The following CCDC178 variants were observed in gnomAD, a reference collection of about 807,000 sequenced individuals.
CCDC178 encodes the protein coiled-coil domain containing 178.
A neutral mutation model predicts 117.4 loss-of-function variants in CCDC178; 126 were observed. That is an observed-to-expected ratio of 1.07 (90% CI 0.93 to 1.24). CCDC178 has a LOEUF of 1.24. Ranked by LOEUF, CCDC178 falls within the 50% of genes most tolerant of loss-of-function variation. The probability of loss-of-function intolerance (pLI) is 0.00; values close to 1 mark genes in which losing one functional copy is unlikely to be tolerated. For missense variants in CCDC178, 1,030 were observed against 986.9 expected (o/e 1.04, Z -0.59); for synonymous variants, 283 against 313.4 (o/e 0.90, Z 1.02).
At chr18:33,220,149 T>A (rs2059213519) in intron 18 of CCDC178, among the ~76,000 whole-genome samples, 1 of 152,036 alleles carries the variant, frequency 6.6e-6, no homozygotes, top group African/African-American at 2.4e-5. Flanking sequence ...TGTAGATTGC[T>A]CCCATCTGCA....
intron 20 of CCDC178, among the ~76,000 whole-genome samples, chr18:33,202,087 A>G (rs1019823999): frequency 6.6e-6 from 1 of 152,080 alleles, no homozygotes. Flanking sequence ...TACTGGGTAC[A>G]TATTTCCACT....
At chr18:33,419,632 T>A (rs879924530) in intron 2 of CCDC178, among the ~76,000 whole-genome samples, 1 of 152,138 alleles carries the variant, frequency 6.6e-6, no homozygotes, top group Non-Finnish European at 1.5e-5. Flanking sequence ...GCAAACGACA[T>A]GTAGACTTTT....
At chr18:33,329,948 G>A (rs1009584285) in intron 10 of CCDC178, among the ~76,000 whole-genome samples, 2 of 142,692 alleles carry the variant, frequency 1.4e-5, no homozygotes, top group Non-Finnish European at 3.0e-5. Flanking sequence ...CTTGGTCCTG[G>A]GCTTTTTTTT....
intron 22 of CCDC178, among the ~76,000 whole-genome samples, chr18:32,953,449 C>T (rs1051380261): frequency 2.6e-5 from 4 of 152,176 alleles, no homozygotes; most frequent in African/African-American, 9.7e-5. Flanking sequence ...TCTGAGCCTT[C>T]CAAACTGTTC....
chr18:33,038,973 G>A (rs1285221001), intron 21 of CCDC178, among the ~76,000 whole-genome samples: 1 of 151,904 alleles, frequency 6.6e-6, no homozygotes, highest in East Asian at 1.9e-4. Flanking sequence ...CACAACATAT[G>A]TATATGGCCA....
intron 14 of CCDC178, among the ~76,000 whole-genome samples, chr18:33,254,564 A>G (rs2059656757): frequency 6.6e-6 from 1 of 152,018 alleles, no homozygotes. Flanking sequence ...CAATAATAAG[A>G]CAATAATGGA....
chr18:33,301,811 C>CCT (rs1230683108), intron 11 of CCDC178, among the ~76,000 whole-genome samples: 2 of 152,262 alleles, frequency 1.3e-5, no homozygotes, highest in African/African-American at 4.8e-5. Flanking sequence ...ATTTTATAGG[C>CCT]TCAAAGTTGG....
rs759463288 is a variant in CCDC178, at chr18:33,323,647, T to C, written c.880-14A>G. ...TAGGTCCATTACCTAGAAATGAAAA[T>C]ATTTTTGCTTATATTTGCACTTAAT... On this transcript the variant is annotated splice_polypyrimidine_tract_variant and intron_variant, in intron 10 of 22. Coordinates refer to ENST00000383096, the MANE Select transcript of CCDC178 (RefSeq NM_001105528.4). The C allele has an allele frequency of 1.4e-6, 2 of 1,432,744 alleles. No homozygotes were observed. Among genetic ancestry groups the C allele is most frequent in the East Asian group, 2.6e-5 (1 of 39,212 alleles). 88.8% of individuals were successfully genotyped at this position (1,432,744 alleles called of 1,614,324 possible). A position where few individuals can be genotyped will look rare whatever the true frequency, so the allele number is the denominator to read the frequency against.
chr18:33,217,022 G>A (rs1322394130), intron 18 of CCDC178, among the ~76,000 whole-genome samples: 2 of 152,072 alleles, frequency 1.3e-5, no homozygotes, highest in Admixed American at 1.3e-4. Flanking sequence ...CCTCTTCAAA[G>A]GAATCTGGTT....
At chr18:33,178,690 T>C (rs182811663) in intron 20 of CCDC178, among the ~76,000 whole-genome samples, 13 of 152,252 alleles carry the variant, frequency 8.5e-5, no homozygotes, top group African/African-American at 2.6e-4. Flanking sequence ...TGTTTTCAAT[T>C]GCACTGTTAT....
intron 22 of CCDC178, among the ~76,000 whole-genome samples, chr18:32,966,724 A>C (rs1251878641): frequency 6.6e-6 from 1 of 151,816 alleles, no homozygotes; most frequent in Non-Finnish European, 1.5e-5. Context: ...GATTGTATTG[A>C]ATGGATTTTT....
chr18:33,234,924 G>C (rs1026000411), intron 15 of CCDC178, among the ~76,000 whole-genome samples: 2 of 152,042 alleles, frequency 1.3e-5, no homozygotes, highest in African/African-American at 4.8e-5. Context: ...AGTCTTATCT[G>C]GAATTCTTAT....
intron 21 of CCDC178, among the ~76,000 whole-genome samples, chr18:33,044,542 T>C (rs1388849908): frequency 6.6e-6 from 1 of 151,306 alleles, no homozygotes; most frequent in Admixed American, 6.6e-5. Context: ...ATGTTGACGA[T>C]GTGGAGAAAA....
intron 4 of CCDC178, among the ~76,000 whole-genome samples, chr18:33,394,939 ATG>A (rs1302202346): frequency 1.3e-5 from 1 of 76,176 alleles, no homozygotes; most frequent in Non-Finnish European, 3.0e-5. Context: ...CTGTATATGT[ATG>A]TGTATATATA....
chr18:33,143,999 T>C (rs1005077514), intron 20 of CCDC178, among the ~76,000 whole-genome samples: 1 of 152,084 alleles, frequency 6.6e-6, no homozygotes, highest in African/African-American at 2.4e-5. Context: ...ATGCCATAAA[T>C]TTACTTTACT....
intron 20 of CCDC178, among the ~76,000 whole-genome samples, chr18:33,152,240 A>G (rs1475404957): frequency 2.0e-5 from 3 of 152,142 alleles, no homozygotes; most frequent in African/African-American, 7.2e-5. Context: ...TTTGAGAGCA[A>G]ATGCTCACTA....
intron 21 of CCDC178, among the ~76,000 whole-genome samples, chr18:33,054,452 T>C (rs2056795526): frequency 6.6e-6 from 1 of 152,138 alleles, no homozygotes; most frequent in African/African-American, 2.4e-5. Context: ...CTGCACTGTG[T>C]GTTGTTCCCC....
At chr18:33,230,491 T>C (rs1184917880) in intron 15 of CCDC178, among the ~76,000 whole-genome samples, 2 of 152,148 alleles carry the variant, frequency 1.3e-5, no homozygotes, top group African/African-American at 2.4e-5. Context: ...TGTTATATAA[T>C]ATTTGCCAAA....
chr18:33,245,185 C>T (rs1340030152), intron 15 of CCDC178, 60 bp downstream of exon 15: 2 of 1,360,622 alleles, frequency 1.5e-6, no homozygotes, highest in East Asian at 5.1e-5. Flanking sequence ...GAAATCGATA[C>T]AATTCAGGTA....
Sources: gnomAD v4.1 joint callset for allele counts (sites outside exome capture counted in the v4.1 genomes callset) on GRCh38, gnomAD v4.1.1 for gene constraint, MANE v1.5 for transcripts, NCBI Gene and HGNC (gene_info 2026-07-23, HGNC 2026-07-21) for gene names.